The following CCDC187 variants were observed in gnomAD, a reference collection of about 807,000 sequenced individuals.
CCDC187 encodes coiled-coil domain containing 187, also known as coiled-coil domain-containing protein 187.
A neutral mutation model predicts 38.0 loss-of-function variants in CCDC187; 32 were observed. The observed-to-expected ratio is 0.84, with a 90% CI of 0.64 to 1.13. CCDC187 has a LOEUF of 1.13. Among genes scored for constraint, CCDC187 ranks in the 50% most tolerant of loss-of-function variants. The probability of loss-of-function intolerance (pLI) is 0.00; values close to 1 mark genes in which losing one functional copy is unlikely to be tolerated. For synonymous variants in CCDC187, 333 were observed against 347.9 expected, an observed-to-expected ratio of 0.96 and a Z score of 0.48; for missense variants, 707 against 786.8, an observed-to-expected ratio of 0.90 and a Z score of 1.21.
intron 3 of CCDC187, 26 bp from the exon 4 acceptor site, chr9:136,297,847 G>C: frequency 2.8e-6 from 1 of 352,140 alleles, no homozygotes; most frequent in Non-Finnish European, 5.1e-6. Flanking sequence ...GAAAGGAAGG[G>C]AGGGAGGGAG....
chr9:136,283,239 A>T (rs1003482542), intron 9 of CCDC187, among the ~76,000 whole-genome samples: 16 of 152,248 alleles, frequency 1.1e-4, no homozygotes, highest in African/African-American at 3.9e-4. Flanking sequence ...ACAGAGCAAG[A>T]CTCCATCTCA....
intron 4 of CCDC187, among the ~76,000 whole-genome samples, chr9:136,293,508 A>T (rs1180572366): frequency 7.6e-5 from 7 of 91,718 alleles, no homozygotes; most frequent in African/African-American, 1.4e-4. Context: ...CACACTCACA[A>T]ACACACATGC....
chr9:136,255,729 C>A lies in CCDC187; in HGVS notation c.4621G>T (p.Glu1541Ter). Residue 1541 changes from glutamate to a stop codon, truncating the protein, a stop_gained, in exon 25 of 26, where the codon GAG becomes TAG. Coordinates refer to ENST00000638797, the MANE Select transcript of CCDC187 (RefSeq NM_001378188.1). LOFTEE classifies it high-confidence loss of function. The part of the protein sequence containing the change: ...ESWRSGEQRT[E>*]ACQQEVPGIS... ...CCGGGGACCTCCTGCTGACAGGCCT[C>A]CGTCCTGCAAGCACATTCGTGGAGA... The A allele has an allele frequency of 1.2e-5, 12 of 985,462 alleles. No individual in the cohort carries two copies. The highest frequency in any genetic ancestry group is 1.3e-5 in the Non-Finnish European group (11 of 829,928). The allele number at this position is 985,462 out of a possible 1,614,324, so 61.0% of individuals were successfully genotyped here. A position where few individuals can be genotyped will look rare whatever the true frequency, so the allele number is the denominator to read the frequency against.
intron 9 of CCDC187, among the ~76,000 whole-genome samples, chr9:136,284,338 G>C (rs1564317905): frequency 1.3e-5 from 2 of 152,182 alleles, no homozygotes; most frequent in African/African-American, 4.8e-5. Flanking sequence ...TGTCTGGGGA[G>C]CCCACGTCTA....
At position 136,285,608 on chromosome 9, in the gene CCDC187, T is replaced by G. The variant is rs905820042; in HGVS notation, c.2834-2A>C. 1.0e-5 allele frequency: 4 copies of G among 400,116 alleles called. No individual in the cohort carries two copies. Among genetic ancestry groups the G allele is most frequent in the Admixed American group, 8.8e-5 (2 of 22,746 alleles). The allele number at this position is 400,116 out of a possible 1,614,324, so 24.8% of individuals were successfully genotyped here. ...CCACGTGTCCCTCCTCTGGAAAACC[T>G]TGGAGAAGAGGGCACCTGGCTTCAC... is the stretch of plus-strand genomic sequence containing the variant. On this transcript the variant is annotated splice_acceptor_variant, in intron 8 of 25. Coordinates refer to ENST00000638797, the MANE Select transcript of CCDC187 (RefSeq NM_001378188.1). LOFTEE classifies it high-confidence loss of function.
At chr9:136,297,406 C>G in intron 4 of CCDC187, among the ~76,000 whole-genome samples, 1 of 152,294 alleles carries the variant, frequency 6.6e-6, no homozygotes, top group South Asian at 2.1e-4. Flanking sequence ...CGCCCAGTCT[C>G]TGGGTGTTGA....
At chr9:136,293,237 TCACACTCACATGCTTA>T (rs1831392717) in intron 4 of CCDC187, among the ~76,000 whole-genome samples, 1 of 119,642 alleles carries the variant, frequency 8.4e-6, no homozygotes, top group Non-Finnish European at 1.7e-5. Context: ...ACTCACACGC[TCACACTCACATGCTTA>T]CACACTCACT....
rs1831313336 is a variant in CCDC187 at position 136,291,028 on chromosome 9, G to A, written c.1585C>T (p.Gln529Ter). ...GTGGCTACAGCACTCCAGGGCTGCT[G>A]GGGGAAGGGGCTCCGCTTTTCAGGG... ...SPPEKRSPFP[Q>*]QPWSAVATQP... Residue 529 changes from glutamine (Q) to a stop codon, truncating the protein, a stop_gained, in exon 6 of 26, where the codon CAG becomes TAG. Transcript: ENST00000638797. LOFTEE classifies it high-confidence loss of function. 5.0e-6 allele frequency: 2 copies of A among 398,632 alleles called. No homozygotes were observed. Among genetic ancestry groups the A allele is most frequent in the African/African-American group, 4.1e-5 (2 of 48,618 alleles). 24.7% of individuals were successfully genotyped at this position (398,632 alleles called of 1,614,324 possible).
intron 7 of CCDC187, 144 bp downstream of exon 7, chr9:136,289,815 G>A (rs1588667780): frequency 2.5e-6 from 1 of 393,162 alleles, no homozygotes; most frequent in African/African-American, 2.1e-5. Flanking sequence ...GGCACTGTGG[G>A]CGGGCAGGGC....
intron 14 of CCDC187, among the ~76,000 whole-genome samples, 199 bp downstream of exon 14, chr9:136,274,459 G>A (rs1385540336): frequency 6.6e-6 from 1 of 152,254 alleles, no homozygotes; most frequent in Non-Finnish European, 1.5e-5. Flanking sequence ...AGGGCTGCCC[G>A]AGGGTCAGTC....
In CCDC187 at chr9:136,250,681, A is replaced by G. The variant is rs1554759175; in HGVS notation, c.*2913T>C. 1 of 454,090 alleles carries G rather than the reference A, an allele frequency of 2.2e-6. No individual in the cohort carries two copies. The highest frequency in any genetic ancestry group is 2.4e-5 in the Admixed American group (1 of 42,450). 28.1% of individuals were successfully genotyped at this position (454,090 alleles called of 1,614,324 possible). A position where few individuals can be genotyped will look rare whatever the true frequency, so the allele number is the denominator to read the frequency against. ...AACACATTCCCCACTGGATCCAAAC[A>G]TCTGCATTCTCAGGTGGGCTGGGCA... On this transcript the variant is annotated 3_prime_UTR_variant, in exon 26 of 26. Transcript: ENST00000638797.
chr9:136,280,770 A>G (rs1831023337), intron 10 of CCDC187, among the ~76,000 whole-genome samples: 1 of 151,844 alleles, frequency 6.6e-6, no homozygotes, highest in African/African-American at 2.4e-5. Flanking sequence ...GGCTCCGCCC[A>G]CTCCCCCAGG....
intron 2 of CCDC187, among the ~76,000 whole-genome samples, chr9:136,301,446 G>C: frequency 6.6e-6 from 1 of 152,208 alleles, no homozygotes; most frequent in East Asian, 1.9e-4. Context: ...GTGTTTCATG[G>C]GGACAGAGCT....
chr9:136,264,808 T>G lies in CCDC187; in HGVS notation c.3736-1010A>C, dbSNP rs1554761425. On this transcript the variant is annotated intron_variant, in intron 17 of 25. Transcript: ENST00000638797. The surrounding 1 kb of genome is among the most constrained non-coding windows in gnomAD (Gnocchi z 4.3). Reference sequence around the variant, plus strand: ...TCTCACTCTGTTGCCCAGGCTGGAGTGCAGTGGTGCAAGCTCAGCTCACTG... The same window carrying G: ...TCTCACTCTGTTGCCCAGGCTGGAGGGCAGTGGTGCAAGCTCAGCTCACTG... 2.0e-5 allele frequency among the ~76,000 whole-genome samples: 3 copies of G among 151,722 alleles called. No homozygotes were observed. The highest frequency in any genetic ancestry group is 7.3e-5 in the African/African-American group (3 of 41,270).
rs149252476 is a variant in CCDC187 at position 136,256,385 on chromosome 9, G to A, written c.4504-62C>T. On this transcript the variant is annotated intron_variant, in intron 23 of 25. Coordinates refer to ENST00000638797, the MANE Select transcript of CCDC187 (RefSeq NM_001378188.1). ...TGGCCTCTGTCTCTGTCCACCTCCC[G>A]TAGCTGGATGGAGCCCCTGTGCTTC... is the stretch of plus-strand genomic sequence containing the variant. 1,150 of 820,316 alleles carry A rather than the reference G, an allele frequency of 1.4e-3. 17 individuals are homozygous for A. In the African/African-American group the frequency reaches 0.02, roughly 14 times the overall value. 50.8% of individuals were successfully genotyped at this position (820,316 alleles called of 1,614,324 possible).
chr9:136,257,590 C>T lies in CCDC187; in HGVS notation c.4367-749G>A, dbSNP rs139243765. Among the ~76,000 whole-genome samples the T allele has an allele frequency of 1.1e-3, 172 of 152,190 alleles. 2 individuals are homozygous for T. In the East Asian group the frequency reaches 0.023, roughly 20 times the overall value. ...GGGATCACAAAGGGGGACAAAGGGA[C>T]GGGTGGGGCCACCGCAGAGCCCTCC... On this transcript the variant is annotated intron_variant, in intron 22 of 25. Coordinates refer to ENST00000638797, the MANE Select transcript of CCDC187 (RefSeq NM_001378188.1). The surrounding 1 kb of genome is among the most constrained non-coding windows in gnomAD (Gnocchi z 4.5).
intron 4 of CCDC187, among the ~76,000 whole-genome samples, chr9:136,293,458 C>CACACA (rs1588671631): frequency 1.8e-5 from 1 of 55,060 alleles, no homozygotes; most frequent in African/African-American, 6.2e-5. Context: ...CATGCTCACA[C>CACACA]TCACACTCAC....
upstream of CCDC187, among the ~76,000 whole-genome samples, chr9:136,305,072 A>G (rs1831778999): frequency 6.6e-6 from 1 of 152,188 alleles, no homozygotes; most frequent in African/African-American, 2.4e-5. Context: ...AGGCACAGCC[A>G]CGGGCATCCA....
At chr9:136,288,545 C>G (rs1831235587) in intron 7 of CCDC187, among the ~76,000 whole-genome samples, 1 of 152,210 alleles carries the variant, frequency 6.6e-6, no homozygotes, top group Non-Finnish European at 1.5e-5. Context: ...GAGCTCCTCA[C>G]AGGTGCCTAG....
Sources: gnomAD v4.1 joint callset for allele counts (sites outside exome capture counted in the v4.1 genomes callset) on GRCh38, gnomAD v4.1.1 for gene constraint, Gnocchi (gnomAD v3.1) non-coding constraint, MANE v1.5 for transcripts, NCBI Gene and HGNC (gene_info 2026-07-23, HGNC 2026-07-21) for gene names.